The following TOP2B variants were observed in gnomAD, a reference collection of about 807,000 sequenced individuals.
TOP2B encodes the protein DNA topoisomerase 2-beta.
In TOP2B, 51 loss-of-function variants were observed where a neutral mutation model predicts 193.5. The observed-to-expected ratio is 0.26, with a 90% CI of 0.21 to 0.33. The LOEUF is 0.33. TOP2B is among the 10% of genes least tolerant of loss of function. The pLI is 1.00. For synonymous variants in TOP2B, 634 were observed against 635.7 expected (o/e 1.00, Z 0.04); for missense variants, 1,378 against 1,909.3 (o/e 0.72, Z 5.19).
intron 1 of TOP2B, among the ~76,000 whole-genome samples, chr3:25,653,088 T>G (rs1239206874): frequency 6.6e-6 from 1 of 152,032 alleles, no homozygotes; most frequent in Non-Finnish European, 1.5e-5. Flanking sequence ...GACTGAATCA[T>G]GAATAAAAAA....
At chr3:25,599,605 T>G in intron 34 of TOP2B, 76 bp from the exon 35 acceptor site, 1 of 1,391,490 alleles carries the variant, frequency 7.2e-7, no homozygotes. Context: ...ACATTGTAGT[T>G]TATTTCTTTG....
rs149521658 is a variant in TOP2B at position 25,650,127 on chromosome 3, T to C, written c.70-4657A>G. Among the ~76,000 whole-genome samples the C allele has an allele frequency of 4.1e-3, 619 of 152,206 alleles. 8 individuals carry two copies. Among genetic ancestry groups the C allele is most frequent in the African/African-American group, 0.014 (584 of 41,454 alleles). The stretch of plus-strand genomic sequence containing the variant: ...AAGATGGATGCCTAATTATTTATCA[T>C]CAAAACTCTCATAAAATTGCTCTTG... On this transcript the variant is annotated intron_variant, in intron 1 of 35. Transcript: ENST00000264331.
intron 20 of TOP2B, 122 bp downstream of exon 20, chr3:25,624,175 T>C: frequency 8.3e-7 from 1 of 1,204,564 alleles, no homozygotes; most frequent in Non-Finnish European, 1.2e-6. Context: ...TTTGGAACAT[T>C]CACCTTCTAA....
chr3:25,613,174 A>C (rs1702420292), intron 27 of TOP2B, among the ~76,000 whole-genome samples: 1 of 152,218 alleles, frequency 6.6e-6, no homozygotes, highest in Non-Finnish European at 1.5e-5. Context: ...AGAAGTTAAA[A>C]GTGCCAATAT....
rs557586644 is a variant in TOP2B at position 25,611,281 on chromosome 3, G to A, written c.3786+1234C>T. On this transcript the variant is annotated intron_variant, in intron 28 of 35. Coordinates refer to ENST00000264331, the MANE Select transcript of TOP2B (RefSeq NM_001330700.2). ...TGAAAAGAAACCATCTTCCGAGGGA[G>A]ACAGGCAAGAGTATCTGGGTAAATG... Among the ~76,000 whole-genome samples the A allele has an allele frequency of 6.6e-5, 10 of 152,328 alleles. No homozygotes were observed. In the East Asian group the frequency reaches 1.9e-3, roughly 29 times the overall value.
chr3:25,632,596 T>G lies in TOP2B; in HGVS notation c.1129-13A>C, dbSNP rs751214496. The stretch of plus-strand genomic sequence containing the variant: ...TATGGTTTTTTACCTGTTGAAAACA[T>G]ACCCAAAAAAGTCAATATCAGAGCT... On this transcript the variant is annotated splice_polypyrimidine_tract_variant and intron_variant, in intron 9 of 35. Transcript: ENST00000264331. 1.9e-6 allele frequency: 3 copies of G among 1,600,270 alleles called. No homozygotes were observed. Among genetic ancestry groups the G allele is most frequent in the Non-Finnish European group, 2.6e-6 (3 of 1,176,296 alleles).
At chr3:25,612,458 T>G (rs1287677982) in intron 28 of TOP2B, 57 bp downstream of exon 28, 20 of 1,351,014 alleles carry the variant, frequency 1.5e-5, no homozygotes, top group Admixed American at 2.3e-5. Context: ...ATTTTTTAAA[T>G]TATACATATA....
intron 34 of TOP2B, among the ~76,000 whole-genome samples, chr3:25,600,577 T>G (rs986452114): frequency 6.1e-5 from 9 of 148,200 alleles, no homozygotes; most frequent in Non-Finnish European, 1.0e-4. Context: ...CCTCACAGCA[T>G]GAGCTACCCT....
chr3:25,618,060 G>C (rs1158376788), intron 25 of TOP2B: 1 of 202,240 alleles, frequency 4.9e-6, no homozygotes, highest in East Asian at 1.2e-4. Context: ...GGCTGATTCT[G>C]GGTGCAACCA....
chr3:25,614,207 G>A (rs1003122236), intron 27 of TOP2B, among the ~76,000 whole-genome samples: 8 of 152,070 alleles, frequency 5.3e-5, no homozygotes, highest in African/African-American at 1.9e-4. Context: ...TTTGAATGAC[G>A]ACTTTTCAAT....
chr3:25,659,271 T>TC (rs141152382), intron 1 of TOP2B, among the ~76,000 whole-genome samples: 3,281 of 152,156 alleles, frequency 0.022, 131 homozygotes, highest in African/African-American at 0.074. Flanking sequence ...CAACAAACTG[T>TC]CCCCTGTCTA....
At chr3:25,604,319 T>A (rs1215949623) in intron 33 of TOP2B, among the ~76,000 whole-genome samples, 8 of 152,152 alleles carry the variant, frequency 5.3e-5, no homozygotes, top group Non-Finnish European at 1.0e-4. Flanking sequence ...CAACTCAAAG[T>A]GTTTTGTGGC....
At chr3:25,644,373 G>A (rs1253892478) in intron 2 of TOP2B, among the ~76,000 whole-genome samples, 1 of 152,052 alleles carries the variant, frequency 6.6e-6, no homozygotes, top group Non-Finnish European at 1.5e-5. Flanking sequence ...ATTCTGCAAG[G>A]TACTACCATT....
At chr3:25,599,385 A>ATCT (rs1702025605) in intron 35 of TOP2B, 50 bp downstream of exon 35, 1 of 1,563,812 alleles carries the variant, frequency 6.4e-7, no homozygotes. Flanking sequence ...TCACTTACAG[A>ATCT]TCTTTTTTTA....
chr3:25,608,055 G>C (rs1379074172), intron 30 of TOP2B, among the ~76,000 whole-genome samples: 1 of 152,156 alleles, frequency 6.6e-6, no homozygotes, highest in African/African-American at 2.4e-5. Context: ...AAAGTGCTGA[G>C]ATTACAGGCG....
At chr3:25,606,738 G>C (rs1200667085) in intron 31 of TOP2B, among the ~76,000 whole-genome samples, 1 of 152,148 alleles carries the variant, frequency 6.6e-6, no homozygotes, top group Non-Finnish European at 1.5e-5. Context: ...ATTTAGGGAA[G>C]AAACAAACCT....
chr3:25,627,766 T>C (rs554247643), intron 15 of TOP2B, among the ~76,000 whole-genome samples: 3 of 152,128 alleles, frequency 2.0e-5, no homozygotes, highest in South Asian at 4.2e-4. Context: ...ATCCTGACTT[T>C]GGAAAAAAAC....
At chr3:25,614,211 T>C (rs1470336963) in intron 27 of TOP2B, among the ~76,000 whole-genome samples, 1 of 152,182 alleles carries the variant, frequency 6.6e-6, no homozygotes, top group Non-Finnish European at 1.5e-5. Flanking sequence ...AATGACGACT[T>C]TTCAATAGTG....
At chr3:25,598,815 A>ATCAAGAAT in intron 35 of TOP2B, among the ~76,000 whole-genome samples, 1 of 152,206 alleles carries the variant, frequency 6.6e-6, no homozygotes, top group East Asian at 1.9e-4. Flanking sequence ...GTAAGTACAT[A>ATCAAGAAT]TCAAGAATTC....
Sources: gnomAD v4.1 joint callset for allele counts (sites outside exome capture counted in the v4.1 genomes callset) on GRCh38, gnomAD v4.1.1 for gene constraint, MANE v1.5 for transcripts, NCBI Gene and HGNC (gene_info 2026-07-23, HGNC 2026-07-21) for gene names.